Variants in POLR2B observed in about 807,000 individuals in gnomAD.
POLR2B encodes DNA-directed RNA polymerase II subunit RPB2.
In POLR2B, 57 loss-of-function variants were observed where a neutral mutation model predicts 144.6. That is an observed-to-expected ratio of 0.39 (90% confidence interval 0.32 to 0.49). POLR2B has a LOEUF of 0.49. Among genes scored for constraint, POLR2B ranks in the 20% least tolerant of loss-of-function variants. The pLI is 0.83. For synonymous variants in POLR2B, 442 were observed against 469.8 expected (o/e 0.94, Z 0.77); for missense variants, 595 against 1,467.4 (o/e 0.41, Z 9.71).
In POLR2B at chr4:56,999,780, TG is replaced by T; in HGVS notation, c.900+1del. Reference sequence around the variant, plus strand: ...TTTGAAGATCCAGAGATGATGGAAATGGTAATGTGAAAGCAAAATGTATTCA... The same window carrying T: ...TTTGAAGATCCAGAGATGATGGAAATGTAATGTGAAAGCAAAATGTATTCA... Reference protein sequence around the residue: ...YDFEDPEMMEMVKPSLDEAFV... With the variant: ...YDFEDPEMMEXVKPSLDEAFV... On this transcript the variant is annotated frameshift_variant and splice_region_variant, in exon 7 of 25. Transcript: ENST00000314595. LOFTEE classifies it high-confidence loss of function. 6.2e-7 allele frequency: 1 copy of T among 1,600,610 alleles called. No individual in the cohort carries two copies. The highest frequency in any genetic ancestry group is 8.5e-7 in the Non-Finnish European group (1 of 1,170,966).
At chr4:56,996,206 A>ATATGTGTGTGTGTGTGTGTGTGTG (rs71889513) in intron 6 of POLR2B, among the ~76,000 whole-genome samples, 6 of 115,344 alleles carry the variant, frequency 5.2e-5, no homozygotes, top group Admixed American at 1.1e-4. Context: ...ATTTCAGTTC[A>ATATGTGTGTGTGTGTGTGTGTGTG]TGTGTGTGTG....
Position 57,025,362 on chromosome 4 carries a change from C to T in POLR2B, c.3079-15C>T. ...AATTTTTAGGTCTACACTTCAAAATCTGTGTTTGTTGCAGGTCCTGTACAA... is the reference window on the plus strand; with the variant it reads ...AATTTTTAGGTCTACACTTCAAAATTTGTGTTTGTTGCAGGTCCTGTACAA... On this transcript the variant is annotated splice_polypyrimidine_tract_variant and intron_variant, in intron 22 of 24. Coordinates refer to ENST00000314595, the MANE Select transcript of POLR2B (RefSeq NM_000938.3). 6.2e-7 allele frequency: 1 copy of T among 1,601,806 alleles called. No individual in the cohort carries two copies. Among genetic ancestry groups the T allele is most frequent in the South Asian group, 1.1e-5 (1 of 90,768 alleles).
At chr4:57,018,361 T>G (rs12506598) in intron 16 of POLR2B, among the ~76,000 whole-genome samples, 4,441 of 152,280 alleles carry the variant, frequency 0.029, 318 homozygotes, top group East Asian at 0.25. Context: ...GGCAAGGTCC[T>G]AAAGAAATGA....
In POLR2B at chr4:57,010,513, T is replaced by C; in HGVS notation, c.1548+9T>C. 6.2e-7 allele frequency: 1 copy of C among 1,605,490 alleles called. No homozygotes were observed. The highest frequency in any genetic ancestry group is 1.1e-5 in the South Asian group (1 of 89,106). The stretch of plus-strand genomic sequence containing the variant: ...CTGCCGAGACCCCAGAGGTAATACA[T>C]TAGAATTTACATTCAGGACAAAAAG... On this transcript the variant is annotated intron_variant, in intron 11 of 24. Coordinates refer to ENST00000314595, the MANE Select transcript of POLR2B (RefSeq NM_000938.3).
At chr4:56,982,233 C>T (rs1321734965) in intron 1 of POLR2B, among the ~76,000 whole-genome samples, 1 of 152,006 alleles carries the variant, frequency 6.6e-6, no homozygotes, top group Non-Finnish European at 1.5e-5. Flanking sequence ...TGCTATTCCC[C>T]TCCCAAAGCC....
intron 17 of POLR2B, among the ~76,000 whole-genome samples, 200 bp downstream of exon 17, chr4:57,021,195 A>G (rs949903224): frequency 6.6e-6 from 1 of 152,210 alleles, no homozygotes; most frequent in Non-Finnish European, 1.5e-5. Flanking sequence ...TTCTTTTGGT[A>G]AGGAAATATA....
intron 6 of POLR2B, among the ~76,000 whole-genome samples, chr4:56,996,180 A>G (rs913862586): frequency 1.2e-4 from 17 of 140,910 alleles, no homozygotes; most frequent in Non-Finnish European, 2.0e-4. Context: ...TTTTACAGCT[A>G]TCTTGGAAAA....
chr4:57,024,806 TG>T (rs1723663006), intron 21 of POLR2B, 79 bp from the exon 22 acceptor site: 1 of 698,726 alleles, frequency 1.4e-6, no homozygotes, highest in African/African-American at 1.9e-5. Context: ...AAAAATTTTT[TG>T]AATGCATTTT....
In POLR2B at chr4:57,007,020, G is replaced by A. The variant is rs781767861; in HGVS notation, c.1404+18G>A. On this transcript the variant is annotated intron_variant, in intron 10 of 24. Transcript: ENST00000314595. ...TATCTCAGGTAAGTGTGCCAACTAT[G>A]ACTACAGGCTCAATAGGAAACATGT... 2.6e-6 allele frequency: 4 copies of A among 1,558,184 alleles called. No individual in the cohort carries two copies. The highest frequency in any genetic ancestry group is 2.7e-5 in the African/African-American group (2 of 73,618).
At chr4:56,992,242 C>T (rs935288274) in intron 3 of POLR2B, among the ~76,000 whole-genome samples, 2 of 151,744 alleles carry the variant, frequency 1.3e-5, no homozygotes, top group Non-Finnish European at 2.9e-5. Flanking sequence ...GCGGGCAGAT[C>T]ACCTGAGCTC....
intron 1 of POLR2B, among the ~76,000 whole-genome samples, chr4:56,984,355 G>T (rs537746164): frequency 6.7e-6 from 1 of 149,724 alleles, no homozygotes. Context: ...ATTTTAAAAC[G>T]TTTATTTTAT....
Position 57,023,783 on chromosome 4 carries a change from C to A in POLR2B, c.2856+32C>A. On this transcript the variant is annotated intron_variant, in intron 20 of 24. Transcript: ENST00000314595. The surrounding 1 kb of genome is among the most constrained non-coding windows in gnomAD (Gnocchi z 4.3). ...ATCTTTGATCTCCCTCATGCCCAAA[C>A]CAGTTTTGTTAAATATTTTTTTTTT... 1 of 1,364,984 alleles carries A rather than the reference C, an allele frequency of 7.3e-7. No individual in the cohort carries two copies. The highest frequency in any genetic ancestry group is 1.0e-6 in the Non-Finnish European group (1 of 982,538). 84.6% of individuals were successfully genotyped at this position (1,364,984 alleles called of 1,614,324 possible). A position where few individuals can be genotyped will look rare whatever the true frequency, so the allele number is the denominator to read the frequency against.
chr4:56,994,572 G>GT, intron 4 of POLR2B, 56 bp downstream of exon 4: 2 of 1,460,064 alleles, frequency 1.4e-6, no homozygotes, highest in Non-Finnish European at 1.9e-6. Context: ...TTTTGAAAAT[G>GT]TAATTTTAAC....
intron 16 of POLR2B, among the ~76,000 whole-genome samples, chr4:57,020,675 T>C (rs1001135789): frequency 3.3e-5 from 5 of 152,104 alleles, no homozygotes; most frequent in Non-Finnish European, 5.9e-5. Flanking sequence ...AATGGATACA[T>C]TGGGAGTGAC....
intron 1 of POLR2B, among the ~76,000 whole-genome samples, chr4:56,983,063 C>A (rs1722205240): frequency 1.3e-5 from 2 of 152,268 alleles, no homozygotes; most frequent in Non-Finnish European, 1.5e-5. Context: ...TTGTATACTT[C>A]CAATCCACTC....
Position 57,005,459 on chromosome 4 carries a change from T to A in POLR2B, c.1097+17T>A. 1 of 1,535,142 alleles carries A rather than the reference T, an allele frequency of 6.5e-7. No individual in the cohort carries two copies. The highest frequency in any genetic ancestry group is 8.8e-7 in the Non-Finnish European group (1 of 1,140,372). The stretch of plus-strand genomic sequence containing the variant: ...TTTCTTGGGGTATGTTAAGTTTCAT[T>A]GTTTTAAGTTCTTTATCAAGATACA... On this transcript the variant is annotated intron_variant, in intron 8 of 24. Transcript: ENST00000314595.
rs370786493 is a variant in POLR2B, at chr4:57,020,910, A to G, written c.2335A>G (p.Ile779Val). 88 of 1,578,484 alleles carry G rather than the reference A, an allele frequency of 5.6e-5. No individual in the cohort carries two copies. Among genetic ancestry groups the G allele is most frequent in the African/African-American group, 1.1e-4 (8 of 74,166 alleles). Reference protein sequence around the residue: ...FRELPAGINSIVAIASYTGYN... With the variant: ...FRELPAGINSVVAIASYTGYN... ...TAAATTCACTGCAGGCATCAACTCAATTGTGGCCATTGCATCATACACTGG... is the reference window on the plus strand; with the variant it reads ...TAAATTCACTGCAGGCATCAACTCAGTTGTGGCCATTGCATCATACACTGG... Residue 779 changes from isoleucine to valine, a missense_variant, in exon 17 of 25, where the codon ATT (isoleucine) becomes GTT (valine). Physicochemically the swap from Ile to Val is conservative, Grantham distance 29. This residue lies in a region of POLR2B where 39 missense variants were observed against 174.3 expected (regional missense o/e 0.22). Transcript: ENST00000314595.
chr4:57,007,725 C>T (rs1049346002), intron 10 of POLR2B, among the ~76,000 whole-genome samples: 5 of 152,206 alleles, frequency 3.3e-5, no homozygotes, highest in South Asian at 2.1e-4. Flanking sequence ...ACTGCAGTAG[C>T]TATTCTCAGA....
intron 11 of POLR2B, 43 bp downstream of exon 11, chr4:57,010,547 T>TA: frequency 6.3e-7 from 1 of 1,579,162 alleles, no homozygotes; most frequent in South Asian, 1.2e-5. Context: ...AGTCAGTGGG[T>TA]AATTATGTAG....
Sources: allele counts gnomAD v4.1 joint callset (sites outside exome capture counted in the v4.1 genomes callset), GRCh38; gene constraint gnomAD v4.1.1; regional missense constraint gnomAD v4.1.1; non-coding constraint Gnocchi (gnomAD v3.1); transcripts MANE v1.5; gene names NCBI Gene and HGNC (gene_info 2026-07-23, HGNC 2026-07-21).